Variants in SHB observed in about 807,000 individuals in gnomAD.
The protein encoded by SHB is SH2 domain containing adaptor protein B.
A neutral mutation model predicts 52.3 loss-of-function variants in SHB; 20 were observed. That is an observed-to-expected ratio of 0.38 (90% confidence interval 0.27 to 0.56). SHB has a LOEUF of 0.56. Ranked by LOEUF, SHB falls within the 20% of genes least tolerant of loss-of-function variation. The probability of loss-of-function intolerance (pLI) is 0.71; values close to 1 mark genes in which losing one functional copy is unlikely to be tolerated. For missense variants in SHB, 825 were observed against 723.3 expected (o/e 1.14, Z -1.61); for synonymous variants, 397 against 316.5 (o/e 1.25, Z -2.70).
intron 3 of SHB, among the ~76,000 whole-genome samples, chr9:37,971,715 G>C (rs1820592178): frequency 6.6e-6 from 1 of 152,210 alleles, no homozygotes. Flanking sequence ...CGTGACACCT[G>C]TGATGGCAAC....
chr9:37,941,269 T>C lies in SHB; in HGVS notation c.1346+7366A>G, dbSNP rs80030561. Among the ~76,000 whole-genome samples, 6 of 152,294 alleles carry C rather than the reference T, an allele frequency of 3.9e-5. No homozygotes were observed. The South Asian group carries it at 8.3e-4, about 21-fold the overall frequency. On this transcript the variant is annotated intron_variant, in intron 5 of 5. Transcript: ENST00000377707. The stretch of plus-strand genomic sequence containing the variant: ...TCTCTGAGGTCCATAATAAAGACAT[T>C]TGAGCTACCACTGATAGAGCACTCA...
At chr9:37,925,006 G>A (rs1832231029) in intron 5 of SHB, among the ~76,000 whole-genome samples, 2 of 152,208 alleles carry the variant, frequency 1.3e-5, no homozygotes, top group South Asian at 4.1e-4. Flanking sequence ...TGGAGGTTAA[G>A]AATCCTGTCA....
At chr9:37,981,363 CCT>C (rs1435406990) in intron 2 of SHB, among the ~76,000 whole-genome samples, 1 of 152,222 alleles carries the variant, frequency 6.6e-6, no homozygotes, top group African/African-American at 2.4e-5. Context: ...CAGAAATCAA[CCT>C]CTGTTAGCTT....
At chr9:37,978,995 G>A (rs1400255985) in intron 2 of SHB, among the ~76,000 whole-genome samples, 1 of 152,168 alleles carries the variant, frequency 6.6e-6, no homozygotes, top group Non-Finnish European at 1.5e-5. Flanking sequence ...TCTCTCCTGG[G>A]AGAGGCTCAC....
chr9:37,996,822 A>G (rs1231983182), intron 2 of SHB, among the ~76,000 whole-genome samples: 5 of 152,220 alleles, frequency 3.3e-5, no homozygotes, highest in Admixed American at 2.0e-4. Flanking sequence ...TGTCTGATTC[A>G]CATGTCAATT....
chr9:38,051,732 C>G (rs1437719312), intron 1 of SHB, among the ~76,000 whole-genome samples: 1 of 152,176 alleles, frequency 6.6e-6, no homozygotes, highest in Non-Finnish European at 1.5e-5. Flanking sequence ...CAACATTATT[C>G]CTAGATCTTT....
chr9:38,054,220 C>T (rs1371209682), intron 1 of SHB, among the ~76,000 whole-genome samples: 2 of 152,232 alleles, frequency 1.3e-5, no homozygotes, highest in African/African-American at 4.8e-5. Flanking sequence ...GTGTCTGGAG[C>T]AACAGCCCTG....
At chr9:38,064,515 T>C (rs1203018592) in intron 1 of SHB, among the ~76,000 whole-genome samples, 1 of 152,204 alleles carries the variant, frequency 6.6e-6, no homozygotes, top group African/African-American at 2.4e-5. Context: ...ACATAAGCAC[T>C]CCTGCAGCGT....
chr9:38,029,037 G>A (rs796281130), intron 1 of SHB, among the ~76,000 whole-genome samples: 2 of 152,162 alleles, frequency 1.3e-5, no homozygotes, highest in African/African-American at 4.8e-5. Flanking sequence ...TGCTCCTGGA[G>A]CTTTCCCTTC....
intron 1 of SHB, among the ~76,000 whole-genome samples, chr9:38,020,349 ACAAG>A (rs1821266520): frequency 6.6e-6 from 1 of 152,192 alleles, no homozygotes. Flanking sequence ...CTGTATTTTA[ACAAG>A]CAAGCCAGGT....
intron 1 of SHB, among the ~76,000 whole-genome samples, chr9:38,042,392 C>T (rs1174062054): frequency 1.3e-5 from 2 of 152,206 alleles, no homozygotes; most frequent in Non-Finnish European, 2.9e-5. Flanking sequence ...TTGTGCGTAA[C>T]ACACTGGGTC....
At chr9:37,929,917 C>T (rs186078490) in intron 5 of SHB, among the ~76,000 whole-genome samples, 19 of 152,278 alleles carry the variant, frequency 1.2e-4, no homozygotes, top group Admixed American at 1.2e-3. Context: ...GCCTGGGCAA[C>T]ATCGTGAGAC....
At position 37,916,905 on chromosome 9, in the gene SHB, GAC is replaced by G. The variant is rs1832106575; in HGVS notation, c.*2914_*2915del. ...AATAATAAAGCCAGCAAAGAAGGGA[GAC>G]ACAGAAACAGCCGCTAGTGCTGGAG... On this transcript the variant is annotated 3_prime_UTR_variant, in exon 6 of 6. Coordinates refer to ENST00000377707, the MANE Select transcript of SHB (RefSeq NM_003028.3). 1.3e-5 allele frequency among the ~76,000 whole-genome samples: 2 copies of G among 152,304 alleles called. No individual in the cohort carries two copies. Among genetic ancestry groups the G allele is most frequent in the Non-Finnish European group, 2.9e-5 (2 of 68,034 alleles).
chr9:38,066,526 T>G (rs910795552), intron 1 of SHB, among the ~76,000 whole-genome samples: 2 of 152,078 alleles, frequency 1.3e-5, no homozygotes, highest in African/African-American at 4.8e-5. Flanking sequence ...AGCTCCTAGG[T>G]AGCCACCTGG....
rs1195490869 is a variant in SHB at position 37,998,642 on chromosome 9, G to A, written c.838+17369C>T. ...TAATTTTTGAATTTTTAGTAGAGAC[G>A]GGGTTTCACCATGTTGCCTAGGTTA... On this transcript the variant is annotated intron_variant, in intron 2 of 5. Coordinates refer to ENST00000377707, the MANE Select transcript of SHB (RefSeq NM_003028.3). 4.6e-5 allele frequency among the ~76,000 whole-genome samples: 7 copies of A among 152,072 alleles called. No homozygotes were observed. The East Asian group carries it at 5.8e-4, about 13-fold the overall frequency.
In SHB at chr9:37,917,762, G is replaced by T. The variant is rs530191609; in HGVS notation, c.*2059C>A. Among the ~76,000 whole-genome samples the T allele has an allele frequency of 6.6e-6, 1 of 152,358 alleles. No individual in the cohort carries two copies. The highest frequency in any genetic ancestry group is 2.1e-4 in the South Asian group (1 of 4,828). Reference sequence around the variant, plus strand: ...CTCATTGAGGGATGTTTTAGGAAATGCCAAACAGGCAAGGAAAGGATTGGC... The same window carrying T: ...CTCATTGAGGGATGTTTTAGGAAATTCCAAACAGGCAAGGAAAGGATTGGC... On this transcript the variant is annotated 3_prime_UTR_variant, in exon 6 of 6. Coordinates refer to ENST00000377707, the MANE Select transcript of SHB (RefSeq NM_003028.3).
intron 3 of SHB, among the ~76,000 whole-genome samples, chr9:37,958,174 T>C (rs1318372416): frequency 6.6e-6 from 1 of 152,130 alleles, no homozygotes; most frequent in Non-Finnish European, 1.5e-5. Context: ...GCTGGCTAAT[T>C]AGAGGGACAG....
At chr9:37,960,421 A>G (rs1446405020) in intron 3 of SHB, among the ~76,000 whole-genome samples, 2 of 152,236 alleles carry the variant, frequency 1.3e-5, no homozygotes, top group Non-Finnish European at 2.9e-5. Flanking sequence ...GACAGAACCT[A>G]ATTAATTTCA....
intron 4 of SHB, among the ~76,000 whole-genome samples, chr9:37,949,148 C>T (rs182920781): frequency 2.6e-5 from 4 of 152,254 alleles, no homozygotes; most frequent in Admixed American, 1.3e-4. Flanking sequence ...GTAATCCCAG[C>T]GCTTTGGGAG....
Sources: gnomAD v4.1 joint callset for allele counts (sites outside exome capture counted in the v4.1 genomes callset) on GRCh38, gnomAD v4.1.1 for gene constraint, MANE v1.5 for transcripts, NCBI Gene and HGNC (gene_info 2026-07-23, HGNC 2026-07-21) for gene names.